Variants in SDK1 observed in about 807,000 individuals in gnomAD.
SDK1 encodes the protein sidekick cell adhesion molecule 1, also known as protein sidekick-1.
SDK1 carries 157 observed loss-of-function variants against 245.5 expected under a neutral mutation model. The ratio of observed to expected loss-of-function variants is 0.64; its 90% CI spans 0.56 to 0.73. SDK1 has a LOEUF of 0.73. SDK1 is among the 30% of genes least tolerant of loss of function. The pLI is 0.00. For missense variants in SDK1, 3,583 were observed against 3,002.3 expected (o/e 1.19, Z -4.52); for synonymous variants, 1,647 against 1,278.5 (o/e 1.29, Z -6.15).
chr7:3,841,453 A>C (rs1420057740), intron 5 of SDK1, among the ~76,000 whole-genome samples: 1 of 152,108 alleles, frequency 6.6e-6, no homozygotes, highest in East Asian at 1.9e-4. Context: ...ATTATTTGAG[A>C]AGGACTAACA....
intron 1 of SDK1, among the ~76,000 whole-genome samples, chr7:3,352,177 T>G (rs1780677318): frequency 6.7e-6 from 1 of 150,174 alleles, no homozygotes; most frequent in Non-Finnish European, 1.5e-5. Flanking sequence ...TTAAAAAGTT[T>G]TACAAAATGG....
chr7:3,944,881 G>A (rs1257428767), intron 5 of SDK1, among the ~76,000 whole-genome samples: 3 of 152,198 alleles, frequency 2.0e-5, no homozygotes, highest in Non-Finnish European at 2.9e-5. Context: ...CTGAGCCTGA[G>A]GACACTTGGG....
chr7:4,232,074 C>T (rs1306645792), intron 40 of SDK1, among the ~76,000 whole-genome samples: 3 of 147,068 alleles, frequency 2.0e-5, no homozygotes, highest in East Asian at 2.0e-4. Flanking sequence ...AACCAAACAG[C>T]CTCCTTAGAA....
At chr7:3,774,328 C>G (rs1451991444) in intron 4 of SDK1, among the ~76,000 whole-genome samples, 2 of 152,168 alleles carry the variant, frequency 1.3e-5, no homozygotes, top group Non-Finnish European at 2.9e-5. Flanking sequence ...GGCCACTGGC[C>G]TCTTTGTCTG....
At chr7:3,350,251 G>T (rs531537707) in intron 1 of SDK1, among the ~76,000 whole-genome samples, 1 of 152,152 alleles carries the variant, frequency 6.6e-6, no homozygotes, top group Non-Finnish European at 1.5e-5. Flanking sequence ...ACTTAACAAT[G>T]AGTGTGGAAA....
At chr7:3,345,617 T>C (rs1056178136) in intron 1 of SDK1, among the ~76,000 whole-genome samples, 1 of 152,200 alleles carries the variant, frequency 6.6e-6, no homozygotes, top group Non-Finnish European at 1.5e-5. Context: ...TAGTAACATA[T>C]CAGGGCTTGT....
intron 1 of SDK1, among the ~76,000 whole-genome samples, chr7:3,504,178 A>ATGTG (rs1159786202): frequency 2.3e-4 from 12 of 52,390 alleles, no homozygotes; most frequent in Admixed American, 4.6e-4. Context: ...TTATATATAT[A>ATGTG]TATATGTGTG....
At chr7:3,339,592 CAAACTAA>C (rs1289835207) in intron 1 of SDK1, among the ~76,000 whole-genome samples, 1 of 151,972 alleles carries the variant, frequency 6.6e-6, no homozygotes, top group Non-Finnish European at 1.5e-5. Context: ...ATAATGGAAT[CAAACTAA>C]AAATAGTAAA....
At chr7:3,554,018 G>T (rs1305645830) in intron 1 of SDK1, among the ~76,000 whole-genome samples, 2 of 152,146 alleles carry the variant, frequency 1.3e-5, no homozygotes, top group Admixed American at 1.3e-4. Flanking sequence ...AGTAGACCAG[G>T]ACCCACATAC....
intron 1 of SDK1, among the ~76,000 whole-genome samples, chr7:3,590,144 A>G (rs923300435): frequency 5.9e-5 from 9 of 152,242 alleles, no homozygotes; most frequent in African/African-American, 2.2e-4. Context: ...TGTAAAGCTT[A>G]TAGCAGGTAG....
At chr7:3,712,083 A>G (rs1785066177) in intron 4 of SDK1, among the ~76,000 whole-genome samples, 1 of 152,130 alleles carries the variant, frequency 6.6e-6, no homozygotes, top group South Asian at 2.1e-4. Flanking sequence ...GAGGTCCGCA[A>G]CCCTTGGGTA....
At chr7:3,558,790 CCT>C (rs1779664660) in intron 1 of SDK1, among the ~76,000 whole-genome samples, 1 of 152,184 alleles carries the variant, frequency 6.6e-6, no homozygotes, top group Non-Finnish European at 1.5e-5. Flanking sequence ...GAATTTTTCT[CCT>C]CTGCTAATGA....
At chr7:3,519,182 G>C (rs1220557537) in intron 1 of SDK1, among the ~76,000 whole-genome samples, 3 of 152,078 alleles carry the variant, frequency 2.0e-5, no homozygotes, top group Non-Finnish European at 4.4e-5. Context: ...TAAAGGATAT[G>C]AAACTCCAGC....
At chr7:3,943,035 C>G (rs1780426600) in intron 5 of SDK1, among the ~76,000 whole-genome samples, 1 of 152,202 alleles carries the variant, frequency 6.6e-6, no homozygotes, top group Admixed American at 6.5e-5. Context: ...TTCGAGCTGG[C>G]TGCTGCGAAA....
At chr7:3,582,683 TA>T (rs71029682) in intron 1 of SDK1, among the ~76,000 whole-genome samples, 10,760 of 69,578 alleles carry the variant, frequency 0.15, 692 homozygotes, top group East Asian at 0.34. Context: ...TAAACTAAAG[TA>T]AAAAAAAAAA....
intron 1 of SDK1, chr7:3,338,406 A>G (rs1780258943): frequency 3.8e-6 from 2 of 532,606 alleles, no homozygotes; most frequent in Admixed American, 2.1e-5. Flanking sequence ...TGTTGAGCAC[A>G]TTAAGCACTC....
intron 42 of SDK1, 56 bp from the exon 43 acceptor site, chr7:4,241,737 G>A (rs1786532024): frequency 1.2e-6 from 2 of 1,607,768 alleles, no homozygotes; most frequent in Non-Finnish European, 8.5e-7. Flanking sequence ...GGCTTGGCGT[G>A]GCTGCGGTGG....
At chr7:3,635,657 T>C (rs1782435225) in intron 2 of SDK1, among the ~76,000 whole-genome samples, 1 of 152,200 alleles carries the variant, frequency 6.6e-6, no homozygotes, top group Non-Finnish European at 1.5e-5. Flanking sequence ...ACCGTCACTC[T>C]GTTTTCTTCT....
chr7:4,133,161 G>A (rs1584244693), intron 28 of SDK1, among the ~76,000 whole-genome samples: 1 of 152,230 alleles, frequency 6.6e-6, no homozygotes, highest in East Asian at 1.9e-4. Flanking sequence ...CCGCTGAGAT[G>A]AAGCGCATGC....
Sources: gnomAD v4.1 joint callset for allele counts (sites outside exome capture counted in the v4.1 genomes callset) on GRCh38, gnomAD v4.1.1 for gene constraint, MANE v1.5 for transcripts, NCBI Gene and HGNC (gene_info 2026-07-23, HGNC 2026-07-21) for gene names.